The following CSMD1 variants were observed in gnomAD, a reference collection of about 807,000 sequenced individuals.
CSMD1 encodes the protein CUB and sushi domain-containing protein 1.
CSMD1 carries 213 observed loss-of-function variants against 417.5 expected under a neutral mutation model. That is an observed-to-expected ratio of 0.51 (90% CI 0.46 to 0.57). The LOEUF is 0.57. CSMD1 is among the 20% of genes least tolerant of loss of function. The pLI is 0.00. For missense variants in CSMD1, 6,923 were observed against 4,529.7 expected (o/e 1.53, Z -15.17); for synonymous variants, 2,862 against 1,736.8 (o/e 1.65, Z -16.11).
intron 3 of CSMD1, among the ~76,000 whole-genome samples, chr8:4,225,498 CAT>C (rs1801292773): frequency 8.6e-6 from 1 of 116,854 alleles, no homozygotes; most frequent in African/African-American, 3.1e-5. Flanking sequence ...TAAAGCAACT[CAT>C]CACTTTTTTT....
In CSMD1 at chr8:3,323,713, A is replaced by G. The variant is rs149444806; in HGVS notation, c.3632-15210T>C. On this transcript the variant is annotated intron_variant, in intron 23 of 69. Transcript: ENST00000635120. ...GGTAAGTAGCAGAGCCAAGAGGCCC[A>G]CATCCAACCCCAGAGACCCAGGAGG... Among the ~76,000 whole-genome samples the G allele has an allele frequency of 5.2e-3, 785 of 152,052 alleles. 4 individuals are homozygous for G. The highest frequency in any genetic ancestry group is 0.018 in the African/African-American group (744 of 41,494).
chr8:4,475,696 A>ACC (rs148716445), intron 2 of CSMD1, among the ~76,000 whole-genome samples: 2 of 26,486 alleles, frequency 7.6e-5, no homozygotes, highest in Admixed American at 5.9e-4. Flanking sequence ...AGCTCACTGC[A>ACC]GCTGCCTCTG....
chr8:3,800,535 C>A (rs1294980418), intron 5 of CSMD1, among the ~76,000 whole-genome samples: 1 of 152,086 alleles, frequency 6.6e-6, no homozygotes, highest in Non-Finnish European at 1.5e-5. Context: ...CAAAGGAGAT[C>A]ATAGAGGTAT....
At chr8:4,935,271 C>G (rs57299057) in intron 1 of CSMD1, among the ~76,000 whole-genome samples, 88,375 of 151,982 alleles carry the variant, frequency 0.58, 26,239 homozygotes, top group East Asian at 0.96. Context: ...TAGATATCCT[C>G]AACCTGAAAT....
At chr8:4,485,732 A>T (rs1373176604) in intron 2 of CSMD1, among the ~76,000 whole-genome samples, 1 of 152,198 alleles carries the variant, frequency 6.6e-6, no homozygotes, top group Non-Finnish European at 1.5e-5. Context: ...CATAATCTTA[A>T]TCCCAATAAA....
At chr8:3,299,614 A>G (rs926124026) in intron 25 of CSMD1, among the ~76,000 whole-genome samples, 2 of 152,080 alleles carry the variant, frequency 1.3e-5, no homozygotes, top group Admixed American at 6.5e-5. Context: ...TCTGCCTCAC[A>G]AAGTGTGGGA....
intron 3 of CSMD1, among the ~76,000 whole-genome samples, chr8:4,066,182 C>T (rs1036656449): frequency 2.6e-5 from 4 of 152,220 alleles, no homozygotes; most frequent in African/African-American, 9.6e-5. Flanking sequence ...TTCACATTCA[C>T]CTCTCCTTAG....
Position 3,369,297 on chromosome 8 carries a change from G to C in CSMD1, c.2856C>G (p.Asn952Lys). ...CAATGGTCCACGTGCAGTTTAGAGA[G>C]TTTGGATAAAAATCTGGAAACCCAG... ...LSPGFPDFYPNSLNCTWTIEV... is the reference protein window; with the variant it reads ...LSPGFPDFYPKSLNCTWTIEV... Residue 952 changes from asparagine (N) to lysine (K), a missense_variant, in exon 19 of 70, where the codon AAC becomes AAG. Physicochemically the swap from Asn to Lys is moderately conservative, Grantham distance 94. Coordinates refer to ENST00000635120, the MANE Select transcript of CSMD1 (RefSeq NM_033225.6). 2 of 1,606,706 alleles carry C rather than the reference G, an allele frequency of 1.2e-6. No homozygotes were observed. The highest frequency in any genetic ancestry group is 8.5e-7 in the Non-Finnish European group (1 of 1,173,720).
At chr8:4,448,023 A>G (rs184049820) in intron 2 of CSMD1, among the ~76,000 whole-genome samples, 329 of 152,302 alleles carry the variant, frequency 2.2e-3, no homozygotes, top group African/African-American at 7.3e-3. Context: ...CTAAAAAACT[A>G]AAGTGGTTCC....
intron 5 of CSMD1, among the ~76,000 whole-genome samples, chr8:3,779,643 G>T (rs919555034): frequency 6.6e-6 from 1 of 152,114 alleles, no homozygotes; most frequent in African/African-American, 2.4e-5. Context: ...TAATATTTTA[G>T]GTTACATTTA....
intron 7 of CSMD1, among the ~76,000 whole-genome samples, chr8:3,695,451 T>C (rs926881326): frequency 6.6e-6 from 1 of 152,162 alleles, no homozygotes; most frequent in Non-Finnish European, 1.5e-5. Flanking sequence ...TGAATATTAA[T>C]ATAAAATCAT....
intron 5 of CSMD1, among the ~76,000 whole-genome samples, chr8:3,935,944 G>A (rs915740344): frequency 2.0e-5 from 3 of 152,142 alleles, no homozygotes; most frequent in African/African-American, 7.2e-5. Flanking sequence ...GAGCCAAGCT[G>A]TGAATGCAAA....
intron 3 of CSMD1, among the ~76,000 whole-genome samples, chr8:4,356,613 T>A (rs1801446586): frequency 6.6e-6 from 1 of 152,212 alleles, no homozygotes. Flanking sequence ...TCTTGGCTGT[T>A]TTCACTGTGT....
rs369827643 is a variant in CSMD1 at position 2,978,778 on chromosome 8, G to A, written c.8400C>T (p.Gly2800=). The change falls in exon 55 of 70, where the codon GGC becomes GGT. Residue 2800 remains glycine (G), a synonymous_variant. Coordinates refer to ENST00000635120, the MANE Select transcript of CSMD1 (RefSeq NM_033225.6). ...TCRVVNCSDP[G]FVENAIRHGQ... is the part of the protein sequence containing the mutation. ...CGTGACGAATGGCATTTTCCACAAA[G>A]CCTGGATCAGAACAGTTCACCACTA... The A allele has an allele frequency of 6.2e-7, 1 of 1,613,096 alleles. No homozygotes were observed. Among genetic ancestry groups the A allele is most frequent in the African/African-American group, 1.3e-5 (1 of 74,928 alleles).
In CSMD1 at chr8:2,935,790, C is replaced by T. The variant is rs1388621078; in HGVS notation, c.*2795G>A. The T allele has an allele frequency of 6.6e-6, 1 of 152,024 alleles. No individual in the cohort carries two copies. The highest frequency in any genetic ancestry group is 1.5e-5 in the Non-Finnish European group (1 of 68,016). The allele number at this position is 152,024 out of a possible 1,614,324, so 9.4% of individuals were successfully genotyped here. A position where few individuals can be genotyped will look rare whatever the true frequency, so the allele number is the denominator to read the frequency against. On this transcript the variant is annotated 3_prime_UTR_variant, in exon 70 of 70. Coordinates refer to ENST00000635120, the MANE Select transcript of CSMD1 (RefSeq NM_033225.6). ...TAATGCCAGCGTTCTTTTTTTTACC[C>T]CCTTTTTATAATAGCTTTTTGTTGT...
At chr8:3,793,911 G>T (rs1446859487) in intron 5 of CSMD1, among the ~76,000 whole-genome samples, 1 of 152,090 alleles carries the variant, frequency 6.6e-6, no homozygotes, top group Non-Finnish European at 1.5e-5. Flanking sequence ...CTTTGGAATT[G>T]CTGTGATTCT....
intron 3 of CSMD1, among the ~76,000 whole-genome samples, chr8:4,272,161 C>T (rs1804642956): frequency 6.6e-6 from 1 of 152,162 alleles, no homozygotes; most frequent in Non-Finnish European, 1.5e-5. Context: ...TTAATCTCAG[C>T]ATGCTGGTAC....
rs139968194 is a variant in CSMD1, at chr8:4,671,190, C to T, written c.86-33632G>A. Among the ~76,000 whole-genome samples, 3 of 152,324 alleles carry T rather than the reference C, an allele frequency of 2.0e-5. No homozygotes were observed. In the East Asian group the frequency reaches 5.8e-4, roughly 29 times the overall value. On this transcript the variant is annotated intron_variant, in intron 1 of 69. Coordinates refer to ENST00000635120, the MANE Select transcript of CSMD1 (RefSeq NM_033225.6). ...CTATGATGCTTAGTATTCCATTCCT[C>T]TTAGTAGTTTCCTTTCAAGATGAAG... is the stretch of plus-strand genomic sequence containing the variant.
intron 3 of CSMD1, among the ~76,000 whole-genome samples, chr8:4,099,075 T>C (rs1339226769): frequency 6.6e-6 from 1 of 152,160 alleles, no homozygotes; most frequent in African/African-American, 2.4e-5. Context: ...TTCTTCATTC[T>C]AGACATTATT....
Sources: gnomAD v4.1 joint callset for allele counts (sites outside exome capture counted in the v4.1 genomes callset) on GRCh38, gnomAD v4.1.1 for gene constraint, MANE v1.5 for transcripts, NCBI Gene and HGNC (gene_info 2026-07-23, HGNC 2026-07-21) for gene names.